Variants in PANK3 observed in about 807,000 individuals in gnomAD.
The protein encoded by PANK3 is hPanK3.
A neutral mutation model predicts 39.4 loss-of-function variants in PANK3; 20 were observed. The observed-to-expected ratio is 0.51, with a 90% CI of 0.36 to 0.74. The LOEUF is 0.74. Among genes scored for constraint, PANK3 ranks in the 30% least tolerant of loss-of-function variants. The pLI, the probability that PANK3 is intolerant of heterozygous loss-of-function variation, is 0.00. For synonymous variants in PANK3, 140 were observed against 157.3 expected, an observed-to-expected ratio of 0.89 and a Z score of 0.82; for missense variants, 265 against 437.0, an observed-to-expected ratio of 0.61 and a Z score of 3.51.
chr5:168,559,196 T>C (rs759177508), intron 5 of PANK3, 39 bp from the exon 6 acceptor site: 119 of 1,305,782 alleles, frequency 9.1e-5, no homozygotes, highest in Non-Finnish European at 1.1e-4. Context: ...GTAAAAATAA[T>C]AGATTTTACA....
chr5:168,564,256 T>A (rs776167012), intron 3 of PANK3, among the ~76,000 whole-genome samples, 191 bp from the exon 4 acceptor site: 2 of 151,754 alleles, frequency 1.3e-5, no homozygotes, highest in Non-Finnish European at 2.9e-5. Context: ...GATCAAAGAA[T>A]AAACCAAAGA....
chr5:168,575,876 C>T (rs1759723988), intron 1 of PANK3, among the ~76,000 whole-genome samples: 1 of 152,028 alleles, frequency 6.6e-6, no homozygotes, highest in Non-Finnish European at 1.5e-5. Flanking sequence ...GGGAAACCAA[C>T]ATGAAAAACG....
chr5:168,563,793 C>G (rs1759481367), intron 4 of PANK3, 96 bp downstream of exon 4: 3 of 1,087,792 alleles, frequency 2.8e-6, no homozygotes, highest in Non-Finnish European at 3.8e-6. Flanking sequence ...TAAGAGAAAG[C>G]ACCCTTACAA....
chr5:168,565,868 A>AAT (rs1554125711), intron 3 of PANK3, 145 bp downstream of exon 3: 9,080 of 131,682 alleles, frequency 0.069, 629 homozygotes, highest in Middle Eastern at 0.13. Flanking sequence ...AAAAAAAAAA[A>AAT]ATATATATAT....
At chr5:168,561,799 A>T (rs1759453382) in intron 4 of PANK3, among the ~76,000 whole-genome samples, 1 of 152,170 alleles carries the variant, frequency 6.6e-6, no homozygotes. Flanking sequence ...ATTCAAAACA[A>T]ATTAGCCAAA....
intron 4 of PANK3, among the ~76,000 whole-genome samples, chr5:168,563,420 T>A (rs1460002046): frequency 6.6e-6 from 1 of 152,196 alleles, no homozygotes; most frequent in Non-Finnish European, 1.5e-5. Context: ...GGCACTTTCA[T>A]TTACCGCTGG....
chr5:168,562,161 TAC>T (rs1561840201), intron 4 of PANK3, among the ~76,000 whole-genome samples: 1 of 151,942 alleles, frequency 6.6e-6, no homozygotes, highest in Non-Finnish European at 1.5e-5. Context: ...CAGGCCTACA[TAC>T]AAAAGACAGC....
chr5:168,566,484 A>G (rs1286334086), intron 2 of PANK3, among the ~76,000 whole-genome samples: 3 of 152,016 alleles, frequency 2.0e-5, no homozygotes, highest in Non-Finnish European at 2.9e-5. Context: ...GATGGGGAGG[A>G]AGGAAGGACC....
chr5:168,567,523 T>C (rs1456373188), intron 2 of PANK3, among the ~76,000 whole-genome samples: 9 of 152,216 alleles, frequency 5.9e-5, no homozygotes, highest in Admixed American at 5.9e-4. Flanking sequence ...TCTCTAGCTG[T>C]TGTTACTCCT....
intron 1 of PANK3, among the ~76,000 whole-genome samples, chr5:168,574,506 TAA>T (rs1759700577): frequency 6.6e-6 from 1 of 152,032 alleles, no homozygotes; most frequent in African/African-American, 2.4e-5. Flanking sequence ...AAAATATGAG[TAA>T]ATATACAGAC....
At chr5:168,569,026 A>ATATATATATATATATATATTTAT (rs1190074252) in intron 1 of PANK3, 28 bp from the exon 2 acceptor site, 1 of 305,946 alleles carries the variant, frequency 3.3e-6, no homozygotes, top group African/African-American at 3.8e-5. Context: ...AAAAAAAAAA[A>ATATATATATATATATATATTTAT]AAAAATATAT....
intron 1 of PANK3, 36 bp downstream of exon 1, chr5:168,579,220 C>T (rs933194972): frequency 3.4e-6 from 5 of 1,479,912 alleles, no homozygotes; most frequent in South Asian, 1.3e-5. Context: ...CCCAAGGGTG[C>T]CCTCCCAACC....
At chr5:168,578,621 T>C (rs1759771387) in intron 1 of PANK3, 1 of 152,234 alleles carries the variant, frequency 6.6e-6, no homozygotes, top group Non-Finnish European at 1.5e-5. Context: ...GAAAAATATC[T>C]ACGGGTATTC....
chr5:168,561,731 A>G (rs1324103009), intron 4 of PANK3, among the ~76,000 whole-genome samples: 2 of 152,228 alleles, frequency 1.3e-5, no homozygotes. Context: ...TCTCAAAAAA[A>G]GCATAGTTAG....
At position 168,569,030 on chromosome 5, in the gene PANK3, AAT is replaced by A. The variant is rs766705356; in HGVS notation, c.29-34_29-33del. The A allele has an allele frequency of 5.0e-3, 593 of 119,794 alleles. 3 individuals are homozygous for A. Among genetic ancestry groups the A allele is most frequent in the East Asian group, 5.1e-3 (9 of 1,776 alleles). 7.4% of individuals were successfully genotyped at this position (119,794 alleles called of 1,614,324 possible). The stretch of plus-strand genomic sequence containing the variant: ...GAGGAAAAAAAAAAAAAAAAAAAAA[AAT>A]ATATATATATATATATATCCATTTT... On this transcript the variant is annotated intron_variant, in intron 1 of 6. Coordinates refer to ENST00000239231, the MANE Select transcript of PANK3 (RefSeq NM_024594.4).
chr5:168,575,529 T>C (rs1759717236), intron 1 of PANK3, among the ~76,000 whole-genome samples: 1 of 152,210 alleles, frequency 6.6e-6, no homozygotes, highest in Non-Finnish European at 1.5e-5. Flanking sequence ...GCCAGGAACA[T>C]GGCTCATGCC....
intron 2 of PANK3, among the ~76,000 whole-genome samples, chr5:168,567,517 T>C (rs541194541): frequency 2.4e-4 from 37 of 152,336 alleles, no homozygotes; most frequent in African/African-American, 8.7e-4. Context: ...TTCAACTCTC[T>C]AGCTGTTGTT....
intron 1 of PANK3, 91 bp from the exon 2 acceptor site, chr5:168,569,089 A>G (rs113201919): frequency 0.013 from 3,894 of 310,728 alleles, 131 homozygotes; most frequent in African/African-American, 0.072. Flanking sequence ...GTTAGCCACA[A>G]ACTTCATTTA....
At chr5:168,568,617 A>AC in intron 2 of PANK3, 29 bp downstream of exon 2, 3 of 1,481,904 alleles carry the variant, frequency 2.0e-6, no homozygotes, top group Non-Finnish European at 2.8e-6. Context: ...ACAGGTATCA[A>AC]TTTTCAGTTT....
Sources: allele counts gnomAD v4.1 joint callset (sites outside exome capture counted in the v4.1 genomes callset), GRCh38; gene constraint gnomAD v4.1.1; transcripts MANE v1.5; gene names NCBI Gene and HGNC (gene_info 2026-07-23, HGNC 2026-07-21).